Variants in PCDH9 observed in about 807,000 individuals in gnomAD.
PCDH9 encodes protocadherin-9.
PCDH9 carries 24 observed loss-of-function variants against 70.6 expected under a neutral mutation model. The ratio of observed to expected loss-of-function variants is 0.34; its 90% confidence interval spans 0.25 to 0.48. The LOEUF (loss-of-function observed/expected upper bound fraction) is 0.48. Among genes scored for constraint, PCDH9 ranks in the 20% least tolerant of loss-of-function variants. The pLI, the probability that PCDH9 is intolerant of heterozygous loss-of-function variation, is 0.99. For missense variants in PCDH9, 1,281 were observed against 1,503.6 expected (o/e 0.85, Z 2.45); for synonymous variants, 562 against 558.5 (o/e 1.01, Z -0.09).
At chr13:66,369,204 A>C (rs1003564601) in intron 4 of PCDH9, among the ~76,000 whole-genome samples, 5 of 152,110 alleles carry the variant, frequency 3.3e-5, no homozygotes, top group Non-Finnish European at 7.4e-5. Flanking sequence ...CCTTTACTGC[A>C]ACTACATAGA....
intron 2 of PCDH9, among the ~76,000 whole-genome samples, chr13:66,949,036 A>G (rs1472785091): frequency 1.3e-5 from 2 of 152,064 alleles, no homozygotes; most frequent in Non-Finnish European, 1.5e-5. Flanking sequence ...TAATCTTTTC[A>G]GTTCTTTCAT....
chr13:66,420,263 T>C (rs1338961604), intron 4 of PCDH9, among the ~76,000 whole-genome samples: 1 of 152,178 alleles, frequency 6.6e-6, no homozygotes, highest in African/African-American at 2.4e-5. Flanking sequence ...GACTTAAACG[T>C]TCCTGCCTGC....
chr13:66,394,462 A>T (rs554581355), intron 4 of PCDH9, among the ~76,000 whole-genome samples: 1 of 152,304 alleles, frequency 6.6e-6, no homozygotes, highest in African/African-American at 2.4e-5. Flanking sequence ...TCAATGTTTT[A>T]TGGCCCTTTT....
chr13:67,225,363 C>T (rs930203955), intron 2 of PCDH9, 42 bp downstream of exon 2: 2 of 1,585,038 alleles, frequency 1.3e-6, no homozygotes, highest in Admixed American at 3.3e-5. Flanking sequence ...TGACTGGGCA[C>T]TTGTATGCAG....
chr13:66,388,097 G>C (rs917407943), intron 4 of PCDH9, among the ~76,000 whole-genome samples: 1 of 152,126 alleles, frequency 6.6e-6, no homozygotes, highest in Admixed American at 6.6e-5. Context: ...CTATCAGATT[G>C]ATTTCACTAA....
chr13:66,764,054 C>T (rs1379097001), intron 3 of PCDH9, among the ~76,000 whole-genome samples: 1 of 151,936 alleles, frequency 6.6e-6, no homozygotes, highest in Non-Finnish European at 1.5e-5. Context: ...TTGCCTTGGC[C>T]ACCCAAAGTG....
chr13:67,062,426 C>A (rs2085556755), intron 2 of PCDH9, among the ~76,000 whole-genome samples: 1 of 152,136 alleles, frequency 6.6e-6, no homozygotes, highest in Non-Finnish European at 1.5e-5. Context: ...GCAGAGGATG[C>A]AAGATTTCTT....
chr13:66,648,140 G>C (rs1256990095), intron 3 of PCDH9, among the ~76,000 whole-genome samples: 1 of 152,186 alleles, frequency 6.6e-6, no homozygotes. Context: ...TCAATGCTCT[G>C]AAGAGAAGGA....
intron 3 of PCDH9, among the ~76,000 whole-genome samples, chr13:66,827,965 A>T (rs1242399943): frequency 6.6e-6 from 1 of 152,014 alleles, no homozygotes; most frequent in Non-Finnish European, 1.5e-5. Context: ...GTTACCTATT[A>T]TTCCTTTTTA....
intron 4 of PCDH9, among the ~76,000 whole-genome samples, chr13:66,436,063 C>T (rs1001656689): frequency 6.6e-6 from 1 of 151,932 alleles, no homozygotes; most frequent in Non-Finnish European, 1.5e-5. Flanking sequence ...TCTCAATTTA[C>T]TAGACTTTCT....
At chr13:66,748,326 G>T (rs1333211068) in intron 3 of PCDH9, among the ~76,000 whole-genome samples, 1 of 152,094 alleles carries the variant, frequency 6.6e-6, no homozygotes, top group African/African-American at 2.4e-5. Context: ...GTGTACCTTT[G>T]CTGTTTTATG....
chr13:66,644,780 A>T (rs2077750797), intron 3 of PCDH9, among the ~76,000 whole-genome samples: 1 of 152,110 alleles, frequency 6.6e-6, no homozygotes. Flanking sequence ...TTTTTTAAAC[A>T]GTATAGACTT....
chr13:66,387,272 A>G (rs1489873623), intron 4 of PCDH9, among the ~76,000 whole-genome samples: 1 of 152,114 alleles, frequency 6.6e-6, no homozygotes, highest in Non-Finnish European at 1.5e-5. Flanking sequence ...CTTCAAATGT[A>G]TCTCAAAAGT....
intron 2 of PCDH9, among the ~76,000 whole-genome samples, chr13:67,157,086 G>A (rs955168568): frequency 2.6e-5 from 4 of 151,788 alleles, no homozygotes; most frequent in Middle Eastern, 3.4e-3. Flanking sequence ...TTATCTTTTC[G>A]GTAATCCCCT....
At chr13:66,422,662 A>C (rs560715906) in intron 4 of PCDH9, among the ~76,000 whole-genome samples, 92 of 152,336 alleles carry the variant, frequency 6.0e-4, no homozygotes, top group African/African-American at 2.2e-3. Flanking sequence ...AGCAGTGTTC[A>C]GAGGGAAATT....
chr13:66,554,331 G>A (rs955885811), intron 4 of PCDH9, among the ~76,000 whole-genome samples: 2 of 152,082 alleles, frequency 1.3e-5, no homozygotes, highest in African/African-American at 4.8e-5. Flanking sequence ...CAACTTTAAA[G>A]TAGGAACATT....
intron 4 of PCDH9, among the ~76,000 whole-genome samples, chr13:66,616,886 A>T (rs2077362943): frequency 6.6e-6 from 1 of 152,020 alleles, no homozygotes; most frequent in Non-Finnish European, 1.5e-5. Flanking sequence ...CCCAAGACAC[A>T]TTTTTGTCCC....
intron 4 of PCDH9, among the ~76,000 whole-genome samples, chr13:66,472,245 G>T (rs1020449086): frequency 4.1e-5 from 6 of 146,838 alleles, no homozygotes; most frequent in Non-Finnish European, 9.0e-5. Context: ...GAAAAGAAAA[G>T]AAAATAGAAA....
At chr13:67,159,930 G>A (rs1410075568) in intron 2 of PCDH9, among the ~76,000 whole-genome samples, 2 of 151,854 alleles carry the variant, frequency 1.3e-5, no homozygotes, top group African/African-American at 4.8e-5. Flanking sequence ...TTTTTGCATA[G>A]TCGCTGAGAT....
Sources: allele counts gnomAD v4.1 joint callset (sites outside exome capture counted in the v4.1 genomes callset), GRCh38; gene constraint gnomAD v4.1.1; transcripts MANE v1.5; gene names NCBI Gene and HGNC (gene_info 2026-07-23, HGNC 2026-07-21).